Variants in HCFC1 observed in about 807,000 individuals in gnomAD.
The protein encoded by HCFC1 is host cell factor C1.
In HCFC1, 7 loss-of-function variants were observed where a neutral mutation model predicts 105.5. That is an observed-to-expected ratio of 0.07 (90% CI 0.04 to 0.12). The LOEUF is 0.12. Among genes scored for constraint, HCFC1 ranks in the 10% least tolerant of loss-of-function variants. The pLI, the probability that HCFC1 is intolerant of heterozygous loss-of-function variation, is 1.00. For synonymous variants in HCFC1, 918 were observed against 828.1 expected (o/e 1.11, Z -1.86); for missense variants, 1,065 against 1,823.6 (o/e 0.58, Z 7.58).
At chrX:153,953,954 T>G (rs2065341976) in intron 17 of HCFC1, 112 bp downstream of exon 17, 1 of 969,239 alleles carries the variant, frequency 1.0e-6, no homozygotes, top group African/African-American at 1.9e-5. Flanking sequence ...GTAAATTGGG[T>G]GCCAAGGAGC....
At position 153,952,781 on chromosome X, in the gene HCFC1, G is replaced by T; in HGVS notation, c.4675C>A (p.Gln1559Lys). Residue 1559 changes from glutamine (Q) to lysine (K), a missense_variant, in exon 19 of 26, where the codon CAG becomes AAG. Gln to Lys is a moderately conservative substitution (Grantham distance 53). Coordinates refer to ENST00000310441, the MANE Select transcript of HCFC1 (RefSeq NM_005334.3). ...LSSTGEPSSGQESAGSAVVAT... is the reference protein window; with the variant it reads ...LSSTGEPSSGKESAGSAVVAT... ...ACCACCGCAGAGCCGGCAGACTCCTGGCCCGAAGATGGCTCCCCTGTGCTG... is the reference window on the plus strand; with the variant it reads ...ACCACCGCAGAGCCGGCAGACTCCTTGCCCGAAGATGGCTCCCCTGTGCTG... 1.7e-6 allele frequency: 2 copies of T among 1,207,472 alleles called. No individual in the cohort carries two copies. The highest frequency in any genetic ancestry group is 2.2e-6 in the Non-Finnish European group (2 of 893,317).
chrX:153,971,495 T>G lies in HCFC1; in HGVS notation c.-655A>C, dbSNP rs1557120203. On this transcript the variant is annotated 5_prime_UTR_variant, in exon 1 of 26. Coordinates refer to ENST00000310441, the MANE Select transcript of HCFC1 (RefSeq NM_005334.3). ...CCAGCTCGAGCTCTCGAGGGCCGTTTGGGGGCTCGCGCCGTACGGCTTGTG... is the reference window on the plus strand; with the variant it reads ...CCAGCTCGAGCTCTCGAGGGCCGTTGGGGGGCTCGCGCCGTACGGCTTGTG... 1.0e-5 allele frequency: 3 copies of G among 292,628 alleles called. No individual in the cohort carries two copies. The highest frequency in any genetic ancestry group is 1.8e-5 in the Non-Finnish European group (3 of 167,696). The allele number at this position is 292,628 out of a possible 1,213,427, so 24.1% of individuals were successfully genotyped here.
rs979292841 is a variant in HCFC1 at position 153,971,012 on chromosome X, C to T, written c.-172G>A. On this transcript the variant is annotated 5_prime_UTR_variant, in exon 1 of 26. Coordinates refer to ENST00000310441, the MANE Select transcript of HCFC1 (RefSeq NM_005334.3). ...TCTTAACTGCCCTCCTTCCCTTTGG[C>T]TCTTCCCTTTCTTCTCGCTCACCCC... 1.2e-5 allele frequency: 5 copies of T among 403,980 alleles called. No individual in the cohort carries two copies. The highest frequency in any genetic ancestry group is 2.1e-5 in the Non-Finnish European group (5 of 239,080). 33.3% of individuals were successfully genotyped at this position (403,980 alleles called of 1,213,427 possible).
rs782542982 is a variant in HCFC1 at position 153,955,111 on chromosome X, G to A, written c.3288C>T (p.Ser1096=). 8.3e-7 allele frequency: 1 copy of A among 1,205,739 alleles called. No individual in the cohort carries two copies. Among genetic ancestry groups the A allele is most frequent in the Non-Finnish European group, 1.1e-6 (1 of 893,287 alleles). ...AGCAGCCATGCTGCCCGGCCATGTTGGAGGTGGCGGTGGTGGCGGTGTTGG... is the reference window on the plus strand; with the variant it reads ...AGCAGCCATGCTGCCCGGCCATGTTAGAGGTGGCGGTGGTGGCGGTGTTGG... The part of the protein sequence containing the change: ...GTTNTATTAT[S]NMAGQHGCSN... Residue 1096 remains serine, a synonymous_variant, in exon 17 of 26, where the codon TCC becomes TCT. Transcript: ENST00000310441.
At chrX:153,964,324 A>G (rs782547645) in intron 2 of HCFC1, 40 bp from the exon 3 acceptor site, 2 of 1,127,059 alleles carry the variant, frequency 1.8e-6, no homozygotes, top group Non-Finnish European at 2.4e-6. Context: ...GTGGGATGAG[A>G]AGGCCACCAC....
In HCFC1 at chrX:153,947,717, G is replaced by A. The variant is rs1300292499; in HGVS notation, c.*1630C>T. On this transcript the variant is annotated 3_prime_UTR_variant, in exon 26 of 26. Transcript: ENST00000310441. ...GAGAAGGGATGGGGTAAAACAACAG[G>A]ACCAGGTGAGTGGGCTCCAAGGTGA... 9.0e-6 allele frequency: 1 copy of A among 111,538 alleles called. No homozygotes were observed. The highest frequency in any genetic ancestry group is 1.9e-5 in the Non-Finnish European group (1 of 53,025). 9.2% of individuals were successfully genotyped at this position (111,538 alleles called of 1,213,427 possible).
chrX:153,959,544 A>G, intron 8 of HCFC1, 53 bp from the exon 9 acceptor site: 2 of 1,184,213 alleles, frequency 1.7e-6, no homozygotes, highest in South Asian at 1.8e-5. Context: ...CGATGTCCCC[A>G]GCCCCTTTGC....
At position 153,948,273 on chromosome X, in the gene HCFC1, G is replaced by T. The variant is rs782010421; in HGVS notation, c.*1074C>A. The stretch of plus-strand genomic sequence containing the variant: ...AGGCTCGACCCTATAGATGCGGAGT[G>T]ATCGCCCATGAGGAATGAGCTGTCC... On this transcript the variant is annotated 3_prime_UTR_variant, in exon 26 of 26. Transcript: ENST00000310441. 8.9e-6 allele frequency: 1 copy of T among 111,818 alleles called. No individual in the cohort carries two copies. The highest frequency in any genetic ancestry group is 3.2e-5 in the African/African-American group (1 of 30,801). The allele number at this position is 111,818 out of a possible 1,213,427, so 9.2% of individuals were successfully genotyped here.
intron 19 of HCFC1, 42 bp from the exon 20 acceptor site, chrX:153,952,200 G>A (rs184283805): frequency 9.2e-7 from 1 of 1,082,292 alleles, no homozygotes; most frequent in Admixed American, 4.0e-5. Flanking sequence ...TAGGAAGGCT[G>A]GCCAGAAGCG....
Position 153,949,127 on chromosome X carries a change from T to C in HCFC1, c.*220A>G. The C allele has an allele frequency of 5.4e-6, 2 of 372,203 alleles. No individual in the cohort carries two copies. Among genetic ancestry groups the C allele is most frequent in the East Asian group, 8.9e-5 (2 of 22,534 alleles). The allele number at this position is 372,203 out of a possible 1,213,427, so 30.7% of individuals were successfully genotyped here. A position where few individuals can be genotyped will look rare whatever the true frequency, so the allele number is the denominator to read the frequency against. On this transcript the variant is annotated 3_prime_UTR_variant, in exon 26 of 26. Coordinates refer to ENST00000310441, the MANE Select transcript of HCFC1 (RefSeq NM_005334.3). ...AGGAAAGGAAGCGCGCTCCTCTCTC[T>C]GCTTTCCCATCTGCCTCTGCTTCCT...
At chrX:153,950,144 C>T in intron 24 of HCFC1, 99 bp downstream of exon 24, 4 of 911,916 alleles carry the variant, frequency 4.4e-6, no homozygotes, top group African/African-American at 2.0e-5. Context: ...AGGGAGACGC[C>T]GCACATGGGA....
At position 153,954,186 on chromosome X, in the gene HCFC1, T is replaced by C; in HGVS notation, c.4213A>G (p.Thr1405Ala). 1 of 1,192,361 alleles carries C rather than the reference T, an allele frequency of 8.4e-7. No homozygotes were observed. The highest frequency in any genetic ancestry group is 1.1e-6 in the Non-Finnish European group (1 of 887,510). ...GTTGGGAAAGGAGCCAGCAGCGCGG[T>C]GCCAGCCTGGGGGGTGACGCTGGGT... The part of the protein sequence containing the change: ...AAPSVTPQAG[T>A]ALLAPFPTQR... The change falls in exon 17 of 26, where the codon ACC becomes GCC. Residue 1405 changes from threonine to alanine, a missense_variant. Around this residue, in one of 17 missense-constraint regions of HCFC1, gnomAD observed 546 missense variants for 599.9 expected, o/e 0.91. Transcript: ENST00000310441.
intron 18 of HCFC1, among the ~76,000 whole-genome samples, chrX:153,953,347 C>G (rs2065333648): frequency 2.7e-5 from 3 of 112,309 alleles, no homozygotes. Flanking sequence ...CTCAGACCCC[C>G]GCCATGTCTT....
rs782750500 is a variant in HCFC1 at position 153,962,418 on chromosome X, C to T, written c.713-112G>A. Reference sequence around the variant, plus strand: ...ATCTGTCTCAGTGAGAGAATTCCATCCCTGGCTTCCCTATAGCCTACGGCA... The same window carrying T: ...ATCTGTCTCAGTGAGAGAATTCCATTCCTGGCTTCCCTATAGCCTACGGCA... On this transcript the variant is annotated intron_variant, in intron 4 of 25. Coordinates refer to ENST00000310441, the MANE Select transcript of HCFC1 (RefSeq NM_005334.3). 5.8e-6 allele frequency: 3 copies of T among 521,415 alleles called. No homozygotes were observed. In the South Asian group the frequency reaches 8.6e-5, roughly 15 times the overall value. 43.0% of individuals were successfully genotyped at this position (521,415 alleles called of 1,213,427 possible). A position where few individuals can be genotyped will look rare whatever the true frequency, so the allele number is the denominator to read the frequency against.
Position 153,954,972 on chromosome X carries a change from T to A in HCFC1, c.3427A>T (p.Thr1143Ser). The change falls in exon 17 of 26, where the codon ACC (threonine) becomes TCC (serine). Residue 1143 changes from threonine (T) to serine (S), a missense_variant. Coordinates refer to ENST00000310441, the MANE Select transcript of HCFC1 (RefSeq NM_005334.3). Reference protein sequence around the residue: ...RDARRACAAGTPAVIRISVAT... With the variant: ...RDARRACAAGSPAVIRISVAT... ...ACACTGATCCGGATCACGGCAGGGG[T>A]GCCAGCTGCACAGGCCCGACGGGCA... 8.4e-7 allele frequency: 1 copy of A among 1,195,919 alleles called. No individual in the cohort carries two copies. The highest frequency in any genetic ancestry group is 1.1e-6 in the Non-Finnish European group (1 of 889,621).
intron 4 of HCFC1, among the ~76,000 whole-genome samples, chrX:153,962,814 C>T (rs782436104): frequency 3.6e-5 from 4 of 111,495 alleles, no homozygotes; most frequent in Non-Finnish European, 5.7e-5. Flanking sequence ...ACCTGGTGAC[C>T]GGCCCAAGCA....
intron 21 of HCFC1, 23 bp from the exon 22 acceptor site, chrX:153,951,510 C>G (rs782606178): frequency 9.1e-6 from 11 of 1,210,744 alleles, no homozygotes; most frequent in South Asian, 1.8e-5. Context: ...ATCGGTGCGA[C>G]GAGATCAGGC....
rs374388501 is a variant in HCFC1, at chrX:153,953,628, C to T, written c.4476G>A (p.Pro1492=). 36 of 1,207,844 alleles carry T rather than the reference C, an allele frequency of 3.0e-5. No individual in the cohort carries two copies. The highest frequency in any genetic ancestry group is 1.9e-4 in the African/African-American group (11 of 57,034). The stretch of plus-strand genomic sequence containing the variant: ...TTACCGGCACAGAGGGGCCCGGGAC[C>T]GGTGTGGACTGCGTCACGGTGGTCA... ...RAVTTVTQST[P]VPGPSVPPPE... The change falls in exon 18 of 26, where the codon CCG becomes CCA. Residue 1492 remains proline (P), a synonymous_variant. Coordinates refer to ENST00000310441, the MANE Select transcript of HCFC1 (RefSeq NM_005334.3).
At position 153,952,939 on chromosome X, in the gene HCFC1, A is replaced by G; in HGVS notation, c.4517T>C (p.Val1506Ala). The part of the protein sequence containing the change: ...PSVPPPEELQ[V>A]SPGPRQQLPP... ...CAGCTGCTGGCGAGGACCTGGCGAC[A>G]CCTGGAGTTCCTCTGGGGGCTGCAG... is the stretch of plus-strand genomic sequence containing the variant. Residue 1506 changes from valine to alanine, a missense_variant, in exon 19 of 26, where the codon GTG becomes GCG. Val to Ala is a moderately conservative substitution (Grantham distance 64). Transcript: ENST00000310441. The G allele has an allele frequency of 8.5e-7, 1 of 1,175,568 alleles. No individual in the cohort carries two copies. Among genetic ancestry groups the G allele is most frequent in the East Asian group, 3.2e-5 (1 of 31,634 alleles).
Sources: allele counts gnomAD v4.1 joint callset (sites outside exome capture counted in the v4.1 genomes callset), GRCh38; gene constraint gnomAD v4.1.1; regional missense constraint gnomAD v4.1.1; transcripts MANE v1.5; gene names NCBI Gene and HGNC (gene_info 2026-07-23, HGNC 2026-07-21).